UGT1A8: variants seen among roughly 807,000 people sequenced by gnomAD.
The protein encoded by UGT1A8 is UDP-glucuronosyltransferase 1A8.
A neutral mutation model predicts 45.3 loss-of-function variants in UGT1A8; 39 were observed. The ratio of observed to expected loss-of-function variants is 0.86; its 90% confidence interval spans 0.67 to 1.12. The LOEUF (loss-of-function observed/expected upper bound fraction) is 1.12. Among genes scored for constraint, UGT1A8 ranks in the 50% most tolerant of loss-of-function variants. The probability of loss-of-function intolerance (pLI) is 0.00; values close to 1 mark genes in which losing one functional copy is unlikely to be tolerated. For synonymous variants in UGT1A8, 275 were observed against 249.2 expected (o/e 1.10, Z -0.97); for missense variants, 719 against 664.9 (o/e 1.08, Z -0.90).
intron 1 of UGT1A8, among the ~76,000 whole-genome samples, chr2:233,720,256 G>C (rs1200370479): frequency 6.6e-6 from 1 of 152,186 alleles, no homozygotes; most frequent in East Asian, 1.9e-4. Flanking sequence ...AGTTTCCAGA[G>C]AGGGATCTGT....
At chr2:233,725,447 T>A (rs2077449709) in intron 1 of UGT1A8, among the ~76,000 whole-genome samples, 1 of 152,002 alleles carries the variant, frequency 6.6e-6, no homozygotes, top group Admixed American at 6.5e-5. Context: ...GCCACATACA[T>A]AATTTAAACT....
chr2:233,617,828 A>C lies in UGT1A8; in HGVS notation c.121A>C (p.Met41Leu), dbSNP rs557545004. The change falls in exon 1 of 5, where the codon ATG becomes CTG. Residue 41 changes from methionine (M) to leucine (L), a missense_variant. Physicochemically the swap from Met to Leu is conservative, Grantham distance 15. Transcript: ENST00000373450. ...VPMDGSHWFTMQSVVEKLILR... is the reference protein window; with the variant it reads ...VPMDGSHWFTLQSVVEKLILR... ...CATGGATGGGAGTCACTGGTTCACCATGCAGTCGGTGGTGGAGAAACTTAT... is the reference window on the plus strand; with the variant it reads ...CATGGATGGGAGTCACTGGTTCACCCTGCAGTCGGTGGTGGAGAAACTTAT... The C allele has an allele frequency of 6.2e-7, 1 of 1,614,088 alleles. No homozygotes were observed. Among genetic ancestry groups the C allele is most frequent in the Non-Finnish European group, 8.5e-7 (1 of 1,179,992 alleles).
intron 1 of UGT1A8, among the ~76,000 whole-genome samples, chr2:233,622,626 G>A (rs564097982): frequency 3.3e-5 from 5 of 152,270 alleles, no homozygotes; most frequent in African/African-American, 1.2e-4. Flanking sequence ...CTGGATATGA[G>A]CCCTTTGTCA....
At chr2:233,724,358 C>A (rs2077236787) in intron 1 of UGT1A8, among the ~76,000 whole-genome samples, 6 of 147,934 alleles carry the variant, frequency 4.1e-5, no homozygotes, top group Non-Finnish European at 3.0e-5. Flanking sequence ...CACCTCCCTC[C>A]CGGACGGGGT....
At chr2:233,716,882 C>T (rs960107716) in intron 1 of UGT1A8, among the ~76,000 whole-genome samples, 1 of 152,106 alleles carries the variant, frequency 6.6e-6, no homozygotes, top group African/African-American at 2.4e-5. Flanking sequence ...ATCTGTGCAG[C>T]CCAGACCCCT....
chr2:233,759,599 A>ACCCCCCCCCCCCCCC (rs1553620419), intron 1 of UGT1A8, among the ~76,000 whole-genome samples: 9 of 108,734 alleles, frequency 8.3e-5, no homozygotes, highest in African/African-American at 2.3e-4. Flanking sequence ...CCCACCCCCG[A>ACCCCCCCCCCCCCCC]CCCGCCCCAC....
At chr2:233,712,649 G>A (rs1221373992) in intron 1 of UGT1A8, among the ~76,000 whole-genome samples, 1 of 152,184 alleles carries the variant, frequency 6.6e-6, no homozygotes, top group Non-Finnish European at 1.5e-5. Flanking sequence ...CCTGATAAAC[G>A]TGGTTAAGAG....
intron 1 of UGT1A8, chr2:233,636,578 C>G: frequency 6.2e-7 from 1 of 1,614,162 alleles, no homozygotes; most frequent in South Asian, 1.1e-5. Flanking sequence ...CTACTGCTGA[C>G]CTGTGGCTTT....
At chr2:233,759,776 G>A (rs1697250630) in intron 1 of UGT1A8, among the ~76,000 whole-genome samples, 1 of 152,160 alleles carries the variant, frequency 6.6e-6, no homozygotes, top group African/African-American at 2.4e-5. Context: ...ATTGTTGGAC[G>A]AAGGAATGAA....
intron 1 of UGT1A8, among the ~76,000 whole-genome samples, chr2:233,653,648 GT>G (rs1209279666): frequency 2.6e-5 from 4 of 152,208 alleles, no homozygotes; most frequent in African/African-American, 9.7e-5. Flanking sequence ...CTATGCTGGA[GT>G]GCAGTGGTGC....
intron 1 of UGT1A8, among the ~76,000 whole-genome samples, chr2:233,761,716 C>T (rs1291431022): frequency 6.6e-6 from 1 of 152,198 alleles, no homozygotes; most frequent in Non-Finnish European, 1.5e-5. Flanking sequence ...CATTCTCAAG[C>T]TATTAGGTTT....
chr2:233,691,367 A>T (rs1469452115), intron 1 of UGT1A8: 1 of 985,382 alleles, frequency 1.0e-6, no homozygotes, highest in Non-Finnish European at 1.2e-6. Context: ...ATGAATTTGC[A>T]TCCTGGTTAT....
chr2:233,725,249 GGAGGCAGAGGCAGAGGAGGCA>G (rs1559370474), intron 1 of UGT1A8, among the ~76,000 whole-genome samples: 14 of 48,542 alleles, frequency 2.9e-4, no homozygotes, highest in Middle Eastern at 0.01. Context: ...CAGAGGCAGA[GGAGGCAGAGGCAGAGGAGGCA>G]GAGGCAGAGG....
intron 1 of UGT1A8, among the ~76,000 whole-genome samples, chr2:233,712,745 T>TC (rs5839490): frequency 0.1 from 15,409 of 149,766 alleles, 901 homozygotes; most frequent in East Asian, 0.2. Context: ...ACTTGGATGT[T>TC]CCCCAGAGCG....
At chr2:233,762,315 G>T (rs565893517) in intron 1 of UGT1A8, among the ~76,000 whole-genome samples, 1 of 152,334 alleles carries the variant, frequency 6.6e-6, no homozygotes, top group South Asian at 2.1e-4. Context: ...TTAATGGGTC[G>T]AGAGTAATCC....
intron 1 of UGT1A8, among the ~76,000 whole-genome samples, chr2:233,660,120 G>T (rs185883536): frequency 6.6e-6 from 1 of 152,296 alleles, no homozygotes; most frequent in African/African-American, 2.4e-5. Context: ...ACAACATCTG[G>T]ACACAGTTTT....
intron 1 of UGT1A8, among the ~76,000 whole-genome samples, chr2:233,677,223 T>C (rs959002389): frequency 5.3e-5 from 8 of 152,218 alleles, no homozygotes; most frequent in African/African-American, 1.9e-4. Flanking sequence ...TAGTTTTCAA[T>C]GTACAGTCTT....
At chr2:233,765,208 G>A (rs1325678271) in intron 1 of UGT1A8, among the ~76,000 whole-genome samples, 1 of 152,250 alleles carries the variant, frequency 6.6e-6, no homozygotes, top group South Asian at 2.1e-4. Flanking sequence ...AGTGCCCTCA[G>A]TATTCTTTGC....
At chr2:233,718,794 A>T (rs2076686034) in intron 1 of UGT1A8, 2 of 1,613,190 alleles carry the variant, frequency 1.2e-6, no homozygotes, top group Non-Finnish European at 1.7e-6. Flanking sequence ...TGGGGTGGAC[A>T]GTCAGCTGTC....
Sources: gnomAD v4.1 joint callset for allele counts (sites outside exome capture counted in the v4.1 genomes callset) on GRCh38, gnomAD v4.1.1 for gene constraint, MANE v1.5 for transcripts, NCBI Gene and HGNC (gene_info 2026-07-23, HGNC 2026-07-21) for gene names.